Variants in MYEF2 observed in about 807,000 individuals in gnomAD.
MYEF2 encodes myelin expression factor 2.
A neutral mutation model predicts 75.2 loss-of-function variants in MYEF2; 37 were observed. That is an observed-to-expected ratio of 0.49 (90% CI 0.38 to 0.65). The LOEUF is 0.65. Among genes scored for constraint, MYEF2 ranks in the 30% least tolerant of loss-of-function variants. The pLI is 0.00. For synonymous variants in MYEF2, 195 were observed against 241.6 expected (o/e 0.81, Z 1.79); for missense variants, 634 against 771.4 (o/e 0.82, Z 2.11).
chr15:48,152,738 G>T (rs937976069), intron 10 of MYEF2: 1 of 156,052 alleles, frequency 6.4e-6, no homozygotes, highest in African/African-American at 2.4e-5. Flanking sequence ...TAAATAGTAT[G>T]TATTTAGGAG....
rs1298510032 is a variant in MYEF2, at chr15:48,137,264, C to A, written c.*5644G>T. 5.4e-5 allele frequency: 15 copies of A among 276,544 alleles called. No individual in the cohort carries two copies. The highest frequency in any genetic ancestry group is 8.8e-5 in the Non-Finnish European group (13 of 147,850). 17.1% of individuals were successfully genotyped at this position (276,544 alleles called of 1,614,324 possible). A position where few individuals can be genotyped will look rare whatever the true frequency, so the allele number is the denominator to read the frequency against. On this transcript the variant is annotated 3_prime_UTR_variant, in exon 17 of 17. Coordinates refer to ENST00000324324, the MANE Select transcript of MYEF2 (RefSeq NM_016132.5). ...TAGGAGATTTTCACAGAGAAGGGAG[C>A]ATTTAAATTGGGCCTTGCTGGACAG... is the stretch of plus-strand genomic sequence containing the variant.
At chr15:48,173,468 C>T (rs1362651922) in intron 1 of MYEF2, among the ~76,000 whole-genome samples, 1 of 152,062 alleles carries the variant, frequency 6.6e-6, no homozygotes, top group Non-Finnish European at 1.5e-5. Context: ...CACTTCTATT[C>T]AACATTGTAC....
intron 5 of MYEF2, 29 bp from the exon 6 acceptor site, chr15:48,159,833 A>G: frequency 6.3e-7 from 1 of 1,577,658 alleles, no homozygotes; most frequent in Non-Finnish European, 8.6e-7. Context: ...GTTAAATTCC[A>G]CTAAATACAT....
At position 48,144,694 on chromosome 15, in the gene MYEF2, T is replaced by C. The variant is rs561123699; in HGVS notation, c.1640-1623A>G. On this transcript the variant is annotated intron_variant, in intron 16 of 16. Coordinates refer to ENST00000324324, the MANE Select transcript of MYEF2 (RefSeq NM_016132.5). ...CATTTTAAAACAATTTAAAGATAAA[T>C]GCAGCACAATTTCCAGAGTCCTCTT... Among the ~76,000 whole-genome samples, 8 of 151,922 alleles carry C rather than the reference T, an allele frequency of 5.3e-5. No homozygotes were observed. The South Asian group carries it at 1.2e-3, about 24-fold the overall frequency.
chr15:48,153,754 T>A (rs768129531), intron 10 of MYEF2, 38 bp downstream of exon 10: 11 of 1,519,178 alleles, frequency 7.2e-6, no homozygotes, highest in Non-Finnish European at 1.0e-5. Flanking sequence ...CTAGCATATG[T>A]ATCATTTAAA....
chr15:48,172,623 A>G (rs1204054965), intron 1 of MYEF2, among the ~76,000 whole-genome samples: 1 of 151,946 alleles, frequency 6.6e-6, no homozygotes, highest in Middle Eastern at 3.2e-3. Context: ...ATTAAGGGGG[A>G]AAAACAATCA....
chr15:48,166,947 T>C (rs2040154180), intron 3 of MYEF2, among the ~76,000 whole-genome samples: 2 of 152,042 alleles, frequency 1.3e-5, no homozygotes, highest in Non-Finnish European at 2.9e-5. Context: ...CAAATTTAAC[T>C]TTTCAGTAAA....
intron 11 of MYEF2, 93 bp from the exon 12 acceptor site, chr15:48,152,035 C>A: frequency 7.7e-7 from 1 of 1,306,206 alleles, no homozygotes; most frequent in Middle Eastern, 1.8e-4. Flanking sequence ...GTAAGCTCTT[C>A]ATCCACCCTA....
intron 16 of MYEF2, among the ~76,000 whole-genome samples, chr15:48,146,956 T>C (rs2039306437): frequency 6.6e-6 from 1 of 151,920 alleles, no homozygotes; most frequent in Admixed American, 6.6e-5. Flanking sequence ...AAGGGAGATA[T>C]AGGGAATTGT....
chr15:48,166,238 T>C lies in MYEF2; in HGVS notation c.424-110A>G, dbSNP rs1597344849. On this transcript the variant is annotated intron_variant, in intron 3 of 16. Coordinates refer to ENST00000324324, the MANE Select transcript of MYEF2 (RefSeq NM_016132.5). ...TCAATCATTAAGGCAATTAATAATA[T>C]GGTAGAATCACTTCATCTTTTATAC... is the stretch of plus-strand genomic sequence containing the variant. 1.3e-5 allele frequency: 11 copies of C among 845,258 alleles called. No individual in the cohort carries two copies. In the East Asian group the frequency reaches 2.6e-4, roughly 20 times the overall value. The allele number at this position is 845,258 out of a possible 1,614,324, so 52.4% of individuals were successfully genotyped here. A position where few individuals can be genotyped will look rare whatever the true frequency, so the allele number is the denominator to read the frequency against.
chr15:48,175,180 C>G (rs757647910), intron 1 of MYEF2, among the ~76,000 whole-genome samples: 2 of 152,026 alleles, frequency 1.3e-5, no homozygotes, highest in Non-Finnish European at 1.5e-5. Flanking sequence ...AGAGATAAAC[C>G]TAGAGGACAT....
intron 16 of MYEF2, among the ~76,000 whole-genome samples, chr15:48,145,017 T>C (rs543604328): frequency 1.5e-4 from 23 of 151,992 alleles, no homozygotes; most frequent in African/African-American, 4.6e-4. Context: ...GGACAGTTTC[T>C]CTTTTTTGTT....
intron 16 of MYEF2, among the ~76,000 whole-genome samples, chr15:48,144,659 CT>C (rs1730207866): frequency 6.6e-6 from 1 of 151,680 alleles, no homozygotes; most frequent in Non-Finnish European, 1.5e-5. Flanking sequence ...TAAAATGAAA[CT>C]GGAAAACACA....
At position 48,136,526 on chromosome 15, in the gene MYEF2, A is replaced by T; in HGVS notation, c.*6382T>A. 1 of 638,748 alleles carries T rather than the reference A, an allele frequency of 1.6e-6. No individual in the cohort carries two copies. The highest frequency in any genetic ancestry group is 2.6e-6 in the Non-Finnish European group (1 of 389,432). The allele number at this position is 638,748 out of a possible 1,614,324, so 39.6% of individuals were successfully genotyped here. On this transcript the variant is annotated 3_prime_UTR_variant, in exon 17 of 17. Transcript: ENST00000324324. ...AATAAACATAATAATGCTGTAATCA[A>T]GTCTGGACAAATCTACAAAACAAAA...
intron 16 of MYEF2, among the ~76,000 whole-genome samples, chr15:48,144,270 G>C (rs1216273621): frequency 6.6e-6 from 1 of 151,926 alleles, no homozygotes; most frequent in African/African-American, 2.4e-5. Flanking sequence ...CAATCCATAA[G>C]GAAGATTTTT....
chr15:48,177,012 T>C (rs1008065216), intron 1 of MYEF2, among the ~76,000 whole-genome samples: 2 of 152,210 alleles, frequency 1.3e-5, no homozygotes, highest in Non-Finnish European at 1.5e-5. Flanking sequence ...GTTCTTACCA[T>C]ACAATTTCAA....
rs1274142347 is a variant in MYEF2 at position 48,135,048 on chromosome 15, AT to A, written c.*7859del. The A allele has an allele frequency of 2.5e-5, 33 of 1,305,752 alleles. No homozygotes were observed. The highest frequency in any genetic ancestry group is 2.7e-5 in the Non-Finnish European group (25 of 913,442). 80.9% of individuals were successfully genotyped at this position (1,305,752 alleles called of 1,614,324 possible). ...TTTATGAATTTCTGATGGTTCAGTA[AT>A]TTTTTTTCAGAAATGTTATTTCAGT... On this transcript the variant is annotated 3_prime_UTR_variant, in exon 17 of 17. Transcript: ENST00000324324.
chr15:48,167,813 T>A (rs1291509379), intron 2 of MYEF2, among the ~76,000 whole-genome samples: 1 of 152,126 alleles, frequency 6.6e-6, no homozygotes, highest in Non-Finnish European at 1.5e-5. Flanking sequence ...ATGTCTTCAA[T>A]CATGTTTGCC....
intron 1 of MYEF2, among the ~76,000 whole-genome samples, chr15:48,177,278 A>G (rs1274587632): frequency 6.6e-6 from 1 of 152,176 alleles, no homozygotes; most frequent in Non-Finnish European, 1.5e-5. Context: ...ATTGGGGTCA[A>G]CTAAATTCTT....
Sources: allele counts gnomAD v4.1 joint callset (sites outside exome capture counted in the v4.1 genomes callset), GRCh38; gene constraint gnomAD v4.1.1; transcripts MANE v1.5; gene names NCBI Gene and HGNC (gene_info 2026-07-23, HGNC 2026-07-21).